ELMOD2: variants seen among roughly 807,000 people sequenced by gnomAD.
ELMOD2 encodes ELMO domain-containing protein 2.
A neutral mutation model predicts 41.0 loss-of-function variants in ELMOD2; 28 were observed. That is an observed-to-expected ratio of 0.68 (90% confidence interval 0.51 to 0.94). The LOEUF is 0.94. Ranked by LOEUF, ELMOD2 falls within the 40% of genes least tolerant of loss-of-function variation. The pLI is 0.00. For missense variants in ELMOD2, 333 were observed against 343.1 expected (o/e 0.97, Z 0.23); for synonymous variants, 106 against 107.2 (o/e 0.99, Z 0.07).
At chr4:140,525,357 TTTTTA>T in intron 1 of ELMOD2, 58 bp from the exon 2 acceptor site, 9 of 1,435,618 alleles carry the variant, frequency 6.3e-6, no homozygotes, top group Non-Finnish European at 8.2e-6. Flanking sequence ...TTGTATAAAC[TTTTTA>T]AATTTTAAAA....
At chr4:140,534,556 G>A (rs139294341) in intron 3 of ELMOD2, among the ~76,000 whole-genome samples, 3 of 152,120 alleles carry the variant, frequency 2.0e-5, no homozygotes, top group Non-Finnish European at 4.4e-5. Flanking sequence ...TTTTAAAAAA[G>A]TAATGGAATA....
intron 5 of ELMOD2, among the ~76,000 whole-genome samples, chr4:140,539,465 C>T (rs1422779202): frequency 6.6e-6 from 1 of 151,756 alleles, no homozygotes; most frequent in African/African-American, 2.4e-5. Flanking sequence ...GGGTTCACGC[C>T]ATTCTCCTGT....
At chr4:140,544,388 T>C (rs1267664778) in intron 8 of ELMOD2, among the ~76,000 whole-genome samples, 1 of 152,158 alleles carries the variant, frequency 6.6e-6, no homozygotes, top group Non-Finnish European at 1.5e-5. Context: ...TAACTTTCTC[T>C]TGCATGTGTC....
In ELMOD2 at chr4:140,552,163, G is replaced by A. The variant is rs1012028099; in HGVS notation, c.*1788G>A. 1 of 151,978 alleles carries A rather than the reference G, an allele frequency of 6.6e-6. No individual in the cohort carries two copies. Among genetic ancestry groups the A allele is most frequent in the Non-Finnish European group, 1.5e-5 (1 of 67,906 alleles). 9.4% of individuals were successfully genotyped at this position (151,978 alleles called of 1,614,324 possible). ...ATTCTGTTCATCTTTTGATGTTTGT[G>A]TTGAAAATGCTTATCTTTGTGTTTT... On this transcript the variant is annotated 3_prime_UTR_variant, in exon 9 of 9. Coordinates refer to ENST00000323570, the MANE Select transcript of ELMOD2 (RefSeq NM_153702.4).
chr4:140,525,564 A>T lies in ELMOD2; in HGVS notation c.136A>T (p.Arg46Trp), dbSNP rs1312483145. The change falls in exon 2 of 9, where the codon AGG becomes TGG. Residue 46 changes from arginine (R) to tryptophan (W), a missense_variant. Coordinates refer to ENST00000323570, the MANE Select transcript of ELMOD2 (RefSeq NM_153702.4). ...DTYVGAQRTH[R>W]IENSLTYSKN... ...CTATGTAGGTGCACAAAGGACACAC[A>T]GGATAGGTAATGTTATTCAAAAAGA... is the stretch of plus-strand genomic sequence containing the variant. 1 of 1,602,838 alleles carries T rather than the reference A, an allele frequency of 6.2e-7. No individual in the cohort carries two copies. Among genetic ancestry groups the T allele is most frequent in the African/African-American group, 1.3e-5 (1 of 74,236 alleles).
In ELMOD2 at chr4:140,525,337, A is replaced by G. The variant is rs1039937031; in HGVS notation, c.-9-83A>G. The G allele has an allele frequency of 1.3e-4, 183 of 1,359,170 alleles. 1 individual carries two copies. The highest frequency in any genetic ancestry group is 4.7e-5 in the Admixed American group (2 of 42,156). The allele number at this position is 1,359,170 out of a possible 1,614,324, so 84.2% of individuals were successfully genotyped here. On this transcript the variant is annotated intron_variant, in intron 1 of 8. Transcript: ENST00000323570. The stretch of plus-strand genomic sequence containing the variant: ...TGAAATGATAGATACATAATTTGAG[A>G]TTTGATCAGTTGTATAAACTTTTTA...
chr4:140,548,890 A>G (rs979487536), intron 8 of ELMOD2, among the ~76,000 whole-genome samples: 1 of 152,122 alleles, frequency 6.6e-6, no homozygotes, highest in Non-Finnish European at 1.5e-5. Flanking sequence ...TAAACTGCAC[A>G]TATTATATGA....
chr4:140,525,131 T>C, intron 1 of ELMOD2: 1 of 220,908 alleles, frequency 4.5e-6, no homozygotes, highest in East Asian at 1.1e-4. Context: ...AATACAATTA[T>C]TTAGCAAAAA....
intron 3 of ELMOD2, among the ~76,000 whole-genome samples, chr4:140,533,760 TAAA>T (rs2110838966): frequency 6.6e-6 from 1 of 152,130 alleles, no homozygotes; most frequent in South Asian, 2.1e-4. Flanking sequence ...AACTCAGTAA[TAAA>T]AAGGCAACAG....
rs186746575 is a variant in ELMOD2 at position 140,553,354 on chromosome 4, C to T, written c.*2979C>T. ...CAGCAGTTTTCTCAGGATAAATGCT[C>T]TACCCCACTTCTCTATGAACAGGTG... On this transcript the variant is annotated 3_prime_UTR_variant, in exon 9 of 9. Coordinates refer to ENST00000323570, the MANE Select transcript of ELMOD2 (RefSeq NM_153702.4). 1.2e-3 allele frequency: 189 copies of T among 152,258 alleles called. 2 individuals carry two copies. Among genetic ancestry groups the T allele is most frequent in the African/African-American group, 4.4e-3 (184 of 41,560 alleles). The allele number at this position is 152,258 out of a possible 1,614,324, so 9.4% of individuals were successfully genotyped here. A position where few individuals can be genotyped will look rare whatever the true frequency, so the allele number is the denominator to read the frequency against.
Position 140,551,057 on chromosome 4 carries a change from A to G in ELMOD2, c.*682A>G, listed in dbSNP as rs1252858102. The G allele has an allele frequency of 6.6e-6, 1 of 152,138 alleles. No individual in the cohort carries two copies. The highest frequency in any genetic ancestry group is 1.5e-5 in the Non-Finnish European group (1 of 67,980). 9.4% of individuals were successfully genotyped at this position (152,138 alleles called of 1,614,324 possible). A position where few individuals can be genotyped will look rare whatever the true frequency, so the allele number is the denominator to read the frequency against. The stretch of plus-strand genomic sequence containing the variant: ...ATGCCACAGTGTTATTTGAAAGCTT[A>G]AAGGCATTTTCTCATCTTCAGTATT... On this transcript the variant is annotated 3_prime_UTR_variant, in exon 9 of 9. Transcript: ENST00000323570.
At chr4:140,534,058 G>A (rs932757841) in intron 3 of ELMOD2, among the ~76,000 whole-genome samples, 26 of 152,188 alleles carry the variant, frequency 1.7e-4, no homozygotes, top group African/African-American at 6.3e-4. Context: ...TACTGCCCTA[G>A]TAATTTCACT....
In ELMOD2 at chr4:140,552,683, T is replaced by C. The variant is rs1250175975; in HGVS notation, c.*2308T>C. 1.3e-5 allele frequency: 2 copies of C among 152,122 alleles called. No individual in the cohort carries two copies. Among genetic ancestry groups the C allele is most frequent in the Non-Finnish European group, 2.9e-5 (2 of 67,976 alleles). The allele number at this position is 152,122 out of a possible 1,614,324, so 9.4% of individuals were successfully genotyped here. On this transcript the variant is annotated 3_prime_UTR_variant, in exon 9 of 9. Transcript: ENST00000323570. ...GAATCTTACCTGTTTCTATAATAAT[T>C]AGTAAAATGCCAAAGTAGTGATAGA...
intron 2 of ELMOD2, among the ~76,000 whole-genome samples, chr4:140,527,202 G>C (rs755818400): frequency 2.0e-5 from 3 of 152,264 alleles, no homozygotes; most frequent in Admixed American, 1.3e-4. Flanking sequence ...AGACACTTTG[G>C]GGTCTAAACA....
chr4:140,525,230 A>G, intron 1 of ELMOD2, 190 bp from the exon 2 acceptor site: 2 of 479,362 alleles, frequency 4.2e-6, no homozygotes, highest in Non-Finnish European at 7.0e-6. Context: ...TTAATTGGCC[A>G]TTTGATCATC....
chr4:140,524,455 A>G, intron 1 of ELMOD2, 175 bp downstream of exon 1: 1 of 349,438 alleles, frequency 2.9e-6, no homozygotes, highest in Non-Finnish European at 4.0e-6. Flanking sequence ...GGGTCGGCGC[A>G]GAGACGCCCA....
At chr4:140,545,040 A>G (rs1485916875) in intron 8 of ELMOD2, among the ~76,000 whole-genome samples, 1 of 152,008 alleles carries the variant, frequency 6.6e-6, no homozygotes, top group Admixed American at 6.6e-5. Context: ...TTTTTCAATA[A>G]TTGCTTTTTC....
At chr4:140,527,441 C>CT (rs372089965) in intron 2 of ELMOD2, 25 bp from the exon 3 acceptor site, 74,819 of 1,240,546 alleles carry the variant, frequency 0.06, 1 homozygote, top group South Asian at 0.07. Context: ...GTGATAACAT[C>CT]TTTTTTTTTT....
intron 5 of ELMOD2, 68 bp downstream of exon 5, chr4:140,537,609 A>G: frequency 2.6e-6 from 4 of 1,561,638 alleles, no homozygotes; most frequent in Non-Finnish European, 3.5e-6. Context: ...TCAGCTAAGT[A>G]AAGTCTGCAA....
Sources: gnomAD v4.1 joint callset for allele counts (sites outside exome capture counted in the v4.1 genomes callset) on GRCh38, gnomAD v4.1.1 for gene constraint, MANE v1.5 for transcripts, NCBI Gene and HGNC (gene_info 2026-07-23, HGNC 2026-07-21) for gene names.